The following RSPH14 variants were observed in gnomAD, a reference collection of about 807,000 sequenced individuals.
The protein encoded by RSPH14 is radial spoke head 14 homolog, also known as rhabdoid tumor deletion region gene 1.
Under a neutral mutation model 26.7 loss-of-function variants are expected in RSPH14, and 20 were observed. That is an observed-to-expected ratio of 0.75 (90% CI 0.53 to 1.09). RSPH14 has a LOEUF of 1.09. Ranked by LOEUF, RSPH14 falls within the 50% of genes least tolerant of loss-of-function variation. The probability of loss-of-function intolerance (pLI) is 0.00; values close to 1 mark genes in which losing one functional copy is unlikely to be tolerated. For synonymous variants in RSPH14, 177 were observed against 189.3 expected (o/e 0.93, Z 0.53); for missense variants, 449 against 457.2 (o/e 0.98, Z 0.16).
At chr22:23,121,275 T>C (rs1302170490) in intron 4 of RSPH14, among the ~76,000 whole-genome samples, 1 of 152,232 alleles carries the variant, frequency 6.6e-6, no homozygotes, top group Non-Finnish European at 1.5e-5. Context: ...GGAAAAACAG[T>C]CTTCCAGGTG....
At chr22:23,178,844 G>T in the RSPH14 span, among the ~76,000 whole-genome samples, 1 of 152,252 alleles carries the variant, frequency 6.6e-6, no homozygotes, top group East Asian at 1.9e-4. Flanking sequence ...CTGGGTGGAA[G>T]ACAGGACAGC....
chr22:23,133,686 T>A (rs1005177708), intron 4 of RSPH14, among the ~76,000 whole-genome samples: 1 of 151,958 alleles, frequency 6.6e-6, no homozygotes, highest in African/African-American at 2.4e-5. Context: ...GCCTCCCAGG[T>A]TCAAGCGATT....
the RSPH14 span, chr22:23,152,653 G>C: frequency 3.3e-6 from 3 of 904,860 alleles, no homozygotes; most frequent in African/African-American, 3.3e-5. Flanking sequence ...CTGTGCCTCA[G>C]CCTGCTGGGA....
intron 4 of RSPH14, among the ~76,000 whole-genome samples, chr22:23,103,772 T>G (rs1206185328): frequency 1.3e-5 from 2 of 152,182 alleles, no homozygotes; most frequent in African/African-American, 4.8e-5. Flanking sequence ...AAACTCAGTC[T>G]AGGGACAGAG....
chr22:23,136,570 C>T (rs1479646204), intron 3 of RSPH14, among the ~76,000 whole-genome samples: 1 of 138,818 alleles, frequency 7.2e-6, no homozygotes, highest in Admixed American at 7.6e-5. Flanking sequence ...CAGCCAGGAC[C>T]CCTGGCTTAG....
At chr22:23,157,459 C>T in the RSPH14 span, among the ~76,000 whole-genome samples, 25 of 152,102 alleles carry the variant, frequency 1.6e-4, no homozygotes, top group Admixed American at 4.6e-4. Context: ...CGGGGTTTCA[C>T]TGTGTTAGCC....
At chr22:23,149,459 T>C, upstream of RSPH14, among the ~76,000 whole-genome samples, 1 of 152,118 alleles carries the variant, frequency 6.6e-6, no homozygotes, top group East Asian at 1.9e-4. Flanking sequence ...CCAAGAAACG[T>C]GGACAGCAGA....
chr22:23,099,298 G>A (rs556671300), intron 4 of RSPH14, among the ~76,000 whole-genome samples: 383 of 152,374 alleles, frequency 2.5e-3, no homozygotes, highest in Admixed American at 3.8e-3. Context: ...GCATGGCAGC[G>A]AGCCACATGG....
chr22:23,073,174 A>T (rs963057669), intron 4 of RSPH14, among the ~76,000 whole-genome samples: 10 of 152,254 alleles, frequency 6.6e-5, no homozygotes, highest in Non-Finnish European at 1.5e-4. Flanking sequence ...TGACCATGGC[A>T]GGTGCACGGG....
At chr22:23,077,468 A>G (rs2068538177) in intron 4 of RSPH14, among the ~76,000 whole-genome samples, 1 of 152,174 alleles carries the variant, frequency 6.6e-6, no homozygotes, top group Non-Finnish European at 1.5e-5. Flanking sequence ...CTCCTCTTGG[A>G]TGTACACCTG....
intron 4 of RSPH14, among the ~76,000 whole-genome samples, chr22:23,129,437 G>A (rs5759595): frequency 0.49 from 73,948 of 151,782 alleles, 18,651 homozygotes; most frequent in Middle Eastern, 0.58. Context: ...CTAATGGTGC[G>A]CCCAGTGTTG....
intron 4 of RSPH14, among the ~76,000 whole-genome samples, chr22:23,075,487 A>G (rs546878946): frequency 1.3e-5 from 2 of 152,328 alleles, no homozygotes; most frequent in Non-Finnish European, 2.9e-5. Context: ...AGCTTCACAC[A>G]GCAATGGCTT....
rs951767417 is a variant in RSPH14, at chr22:23,096,123, G to A, written c.422-31990C>T. On this transcript the variant is annotated intron_variant, in intron 4 of 6. Transcript: ENST00000216036. ...CCAGGGGCACAGGCCTGCTTCAGCCGCTCCAGCGAGTACCACCTGGAGGAC... is the reference window on the plus strand; with the variant it reads ...CCAGGGGCACAGGCCTGCTTCAGCCACTCCAGCGAGTACCACCTGGAGGAC... 24 of 1,611,734 alleles carry A rather than the reference G, an allele frequency of 1.5e-5. No homozygotes were observed. Among genetic ancestry groups the A allele is most frequent in the Admixed American group, 3.3e-5 (2 of 60,016 alleles).
At chr22:23,146,721 C>T (rs763409638), upstream of RSPH14, 2 of 1,608,404 alleles carry the variant, frequency 1.2e-6, no homozygotes, top group Non-Finnish European at 1.7e-6. Flanking sequence ...CTCTCCTGGC[C>T]CTGCAGCCAC....
chr22:23,127,062 A>C (rs1005644210), intron 4 of RSPH14, among the ~76,000 whole-genome samples: 17 of 152,178 alleles, frequency 1.1e-4, no homozygotes, highest in Non-Finnish European at 2.5e-4. Flanking sequence ...TGACCCCACC[A>C]GGCCAGGACC....
intron 4 of RSPH14, among the ~76,000 whole-genome samples, chr22:23,082,124 C>T (rs1192950679): frequency 1.5e-5 from 1 of 65,266 alleles, no homozygotes; most frequent in Non-Finnish European, 2.9e-5. Flanking sequence ...GACTCCGCCT[C>T]AAAAAAAAAA....
chr22:23,179,885 G>A, the RSPH14 span: 1 of 231,392 alleles, frequency 4.3e-6, no homozygotes, highest in Non-Finnish European at 8.3e-6. Flanking sequence ...TGAGGCTGGT[G>A]AGAGGCCAGG....
Position 23,140,454 on chromosome 22 carries a change from G to A in RSPH14, c.-34C>T. 6.2e-7 allele frequency: 1 copy of A among 1,609,626 alleles called. No homozygotes were observed. Among genetic ancestry groups the A allele is most frequent in the South Asian group, 1.1e-5 (1 of 90,314 alleles). On this transcript the variant is annotated 5_prime_UTR_variant, in exon 2 of 7. Coordinates refer to ENST00000216036, the MANE Select transcript of RSPH14 (RefSeq NM_014433.3). ...AACTACAGAGGCCTTTCCAAATGAA[G>A]CTCTGCAGAAACCACTCACTAAAAG...
chr22:23,132,014 C>T (rs533368972), intron 4 of RSPH14, among the ~76,000 whole-genome samples: 44 of 152,174 alleles, frequency 2.9e-4, no homozygotes, highest in South Asian at 1.5e-3. Flanking sequence ...CACCTGATCC[C>T]GTAGTCATTT....
Sources: allele counts gnomAD v4.1 joint callset (sites outside exome capture counted in the v4.1 genomes callset), GRCh38; gene constraint gnomAD v4.1.1; transcripts MANE v1.5; gene names NCBI Gene and HGNC (gene_info 2026-07-23, HGNC 2026-07-21).